The following AXIN1 variants were observed in gnomAD, a reference collection of about 807,000 sequenced individuals.
The protein encoded by AXIN1 is axin 1, also known as axin-1.
Under a neutral mutation model 76.4 loss-of-function variants are expected in AXIN1, and 30 were observed. That is an observed-to-expected ratio of 0.39 (90% CI 0.29 to 0.53). The LOEUF is 0.53. AXIN1 is among the 20% of genes least tolerant of loss of function. The pLI is 0.66. For synonymous variants in AXIN1, 545 were observed against 501.4 expected, an observed-to-expected ratio of 1.09 and a Z score of -1.16; for missense variants, 1,140 against 1,198.8, an observed-to-expected ratio of 0.95 and a Z score of 0.72.
Position 304,440 on chromosome 16 carries a change from C to T in AXIN1, c.1118G>A (p.Arg373His), listed in dbSNP as rs138744096. Residue 373 changes from arginine to histidine, a missense_variant and splice_region_variant, in exon 5 of 11, where the codon CGC becomes CAC. Coordinates refer to ENST00000262320, the MANE Select transcript of AXIN1 (RefSeq NM_003502.4). ...NGRVPLPHIP[R>H]TYRVPKEVRV... The stretch of plus-strand genomic sequence containing the variant: ...GACCTCCTTCGGCACCCGGTACGTG[C>T]GCTGCGAGGGACAGGACTGTGAGGC... 13 of 1,612,588 alleles carry T rather than the reference C, an allele frequency of 8.1e-6. No individual in the cohort carries two copies. The highest frequency in any genetic ancestry group is 3.3e-4 in the Middle Eastern group (2 of 6,084).
chr16:348,109 T>C (rs1395122743), intron 1 of AXIN1, among the ~76,000 whole-genome samples: 1 of 152,132 alleles, frequency 6.6e-6, no homozygotes, highest in East Asian at 1.9e-4. Context: ...GCAAGGGGTG[T>C]GCAAAAGAGA....
intron 2 of AXIN1, among the ~76,000 whole-genome samples, chr16:331,006 C>G (rs2053680103): frequency 6.6e-6 from 1 of 152,172 alleles, no homozygotes; most frequent in Non-Finnish European, 1.5e-5. Context: ...TGCAGGGTGG[C>G]AAGTCTCACG....
chr16:314,732 CTCATT>C (rs1265029819), intron 2 of AXIN1, 49 bp from the exon 3 acceptor site: 7 of 1,608,646 alleles, frequency 4.4e-6, no homozygotes, highest in Non-Finnish European at 4.2e-6. Flanking sequence ...CCAACAGCCT[CTCATT>C]TTATTTCACA....
At chr16:289,775 G>C in intron 9 of AXIN1, 168 bp from the exon 10 acceptor site, 1 of 802,960 alleles carries the variant, frequency 1.2e-6, no homozygotes, top group Non-Finnish European at 2.0e-6. Flanking sequence ...CTCAATCTGG[G>C]ATCTAGTCCG....
chr16:348,464 A>G (rs1338387676), intron 1 of AXIN1, among the ~76,000 whole-genome samples: 4 of 152,190 alleles, frequency 2.6e-5, no homozygotes, highest in Admixed American at 1.3e-4. Context: ...CTCACATTGC[A>G]CACACTTTAC....
At chr16:338,481 C>T (rs114487295) in intron 2 of AXIN1, among the ~76,000 whole-genome samples, 3,090 of 152,358 alleles carry the variant, frequency 0.02, 95 homozygotes, top group African/African-American at 0.069. Flanking sequence ...GGCAAAGGGG[C>T]CTCTCGGTTC....
At position 288,045 on chromosome 16, in the gene AXIN1, ACGAGGT is replaced by A; in HGVS notation, c.*71_*76del. Reference sequence around the variant, plus strand: ...ACTGTTCCCCATCGGGCTCCTGAGTACGAGGTCATCTGCCTGGCCGTGACACCCGTG... The same window carrying A: ...ACTGTTCCCCATCGGGCTCCTGAGTACATCTGCCTGGCCGTGACACCCGTG... On this transcript the variant is annotated 3_prime_UTR_variant, in exon 11 of 11. Transcript: ENST00000262320. 1 of 1,607,020 alleles carries A rather than the reference ACGAGGT, an allele frequency of 6.2e-7. No homozygotes were observed. The highest frequency in any genetic ancestry group is 8.5e-7 in the Non-Finnish European group (1 of 1,178,226).
At position 287,905 on chromosome 16, in the gene AXIN1, G is replaced by T; in HGVS notation, c.*217C>A. ...CTGGGCCCTCCAAGTATTGCTATGA[G>T]GAGTGGTCCAGGCTGCCTCCTTGGG... On this transcript the variant is annotated 3_prime_UTR_variant, in exon 11 of 11. Coordinates refer to ENST00000262320, the MANE Select transcript of AXIN1 (RefSeq NM_003502.4). 2.8e-6 allele frequency: 2 copies of T among 701,982 alleles called. No individual in the cohort carries two copies. The highest frequency in any genetic ancestry group is 4.9e-6 in the Non-Finnish European group (2 of 411,932). 43.5% of individuals were successfully genotyped at this position (701,982 alleles called of 1,614,324 possible). A position where few individuals can be genotyped will look rare whatever the true frequency, so the allele number is the denominator to read the frequency against.
At chr16:312,530 G>A (rs1313290827) in intron 3 of AXIN1, among the ~76,000 whole-genome samples, 1 of 152,246 alleles carries the variant, frequency 6.6e-6, no homozygotes, top group African/African-American at 2.4e-5. Context: ...TAGGATGCAT[G>A]TCAGGCGCTC....
At chr16:299,790 G>C (rs1011092445) in intron 5 of AXIN1, among the ~76,000 whole-genome samples, 14 of 151,998 alleles carry the variant, frequency 9.2e-5, no homozygotes, top group Non-Finnish European at 1.9e-4. Flanking sequence ...CCAGTAGCTG[G>C]GACTACAGGT....
At position 287,639 on chromosome 16, in the gene AXIN1, C is replaced by T. The variant is rs752184161; in HGVS notation, c.*483G>A. The T allele has an allele frequency of 1.1e-4, 34 of 317,502 alleles. No individual in the cohort carries two copies. The highest frequency in any genetic ancestry group is 8.6e-4 in the East Asian group (17 of 19,858). 19.7% of individuals were successfully genotyped at this position (317,502 alleles called of 1,614,324 possible). On this transcript the variant is annotated 3_prime_UTR_variant, in exon 11 of 11. Coordinates refer to ENST00000262320, the MANE Select transcript of AXIN1 (RefSeq NM_003502.4). ...GCGGCTGGAGGCAGGTGCAGTGCTC[C>T]GTCGCCGATTCACACAGTGGCAGGC... is the stretch of plus-strand genomic sequence containing the variant.
chr16:351,609 C>A (rs1256467963), intron 1 of AXIN1, among the ~76,000 whole-genome samples: 12 of 144,470 alleles, frequency 8.3e-5, no homozygotes, highest in South Asian at 2.2e-4. Context: ...GACTCCGTCT[C>A]AAAAAAAAAA....
intron 2 of AXIN1, among the ~76,000 whole-genome samples, chr16:344,160 T>C (rs909583789): frequency 2.0e-5 from 3 of 151,836 alleles, no homozygotes; most frequent in Admixed American, 6.5e-5. Context: ...AGGCCGGGCG[T>C]GGTGGCCCAC....
At position 309,125 on chromosome 16, in the gene AXIN1, T is replaced by C. The variant is rs186779325; in HGVS notation, c.1116+848A>G. ...ACGGGCGGATCACGAGGTCAGGAGA[T>C]CGAGACCATCCTGGCTAATACGGTG... On this transcript the variant is annotated intron_variant, in intron 4 of 10. Coordinates refer to ENST00000262320, the MANE Select transcript of AXIN1 (RefSeq NM_003502.4). 1.7e-3 allele frequency among the ~76,000 whole-genome samples: 263 copies of C among 152,066 alleles called. 2 individuals carry two copies. Among genetic ancestry groups the C allele is most frequent in the Non-Finnish European group, 1.6e-4 (11 of 67,980 alleles).
intron 2 of AXIN1, among the ~76,000 whole-genome samples, chr16:329,779 T>A (rs369703691): frequency 2.1e-3 from 310 of 150,112 alleles, no homozygotes; most frequent in African/African-American, 7.3e-3. Flanking sequence ...GCCAGCCACC[T>A]TGCCCGGCTA....
intron 7 of AXIN1, among the ~76,000 whole-genome samples, chr16:295,234 A>G (rs549589813): frequency 6.6e-6 from 1 of 151,188 alleles, no homozygotes; most frequent in African/African-American, 2.4e-5. Context: ...GCCACCGAGT[A>G]GCTGGGATTA....
intron 2 of AXIN1, among the ~76,000 whole-genome samples, chr16:340,105 T>G (rs1166714995): frequency 6.6e-6 from 1 of 151,556 alleles, no homozygotes; most frequent in South Asian, 2.1e-4. Context: ...AGAAACACAG[T>G]CAATAAACTA....
At chr16:335,049 T>C (rs1000482553) in intron 2 of AXIN1, among the ~76,000 whole-genome samples, 3 of 152,182 alleles carry the variant, frequency 2.0e-5, no homozygotes, top group East Asian at 1.9e-4. Flanking sequence ...AACACTCCCA[T>C]TGGCGTATAG....
chr16:319,568 GA>G (rs1436531014), intron 2 of AXIN1, among the ~76,000 whole-genome samples: 1 of 152,156 alleles, frequency 6.6e-6, no homozygotes, highest in Non-Finnish European at 1.5e-5. Flanking sequence ...GCTGGCCTAG[GA>G]GGCCCAAATG....
Sources: gnomAD v4.1 joint callset for allele counts (sites outside exome capture counted in the v4.1 genomes callset) on GRCh38, gnomAD v4.1.1 for gene constraint, MANE v1.5 for transcripts, NCBI Gene and HGNC (gene_info 2026-07-23, HGNC 2026-07-21) for gene names.